MALRD1: variants seen among roughly 807,000 people sequenced by gnomAD.
The protein encoded by MALRD1 is MAM and LDL receptor class A domain containing 1.
Under a neutral mutation model 242.1 loss-of-function variants are expected in MALRD1, and 247 were observed. The ratio of observed to expected loss-of-function variants is 1.02; its 90% CI spans 0.92 to 1.13. The LOEUF is 1.13. Ranked by LOEUF, MALRD1 falls within the 50% of genes most tolerant of loss-of-function variation. The probability of loss-of-function intolerance (pLI) is 0.00; values close to 1 mark genes in which losing one functional copy is unlikely to be tolerated. For missense variants in MALRD1, 2,989 were observed against 2,533.1 expected (o/e 1.18, Z -3.86); for synonymous variants, 995 against 866.6 (o/e 1.15, Z -2.60).
chr10:19,566,188 G>A, intron 32 of MALRD1, among the ~76,000 whole-genome samples: 1 of 151,898 alleles, frequency 6.6e-6, no homozygotes, highest in East Asian at 1.9e-4. Flanking sequence ...GAATGCAGTG[G>A]CATGATCTCC....
intron 31 of MALRD1, among the ~76,000 whole-genome samples, chr10:19,529,002 C>G (rs1564415568): frequency 3.3e-5 from 5 of 152,090 alleles, no homozygotes; most frequent in Admixed American, 2.6e-4. Flanking sequence ...TCAAGGTGGA[C>G]AAGTTTGAGA....
At chr10:19,231,317 G>T (rs1290167122) in intron 18 of MALRD1, among the ~76,000 whole-genome samples, 5 of 152,080 alleles carry the variant, frequency 3.3e-5, no homozygotes, top group Admixed American at 2.0e-4. Flanking sequence ...ACAGTTGTTG[G>T]TTCCTAGGAT....
intron 28 of MALRD1, among the ~76,000 whole-genome samples, chr10:19,393,490 G>A (rs1297656729): frequency 1.5e-5 from 2 of 134,584 alleles, no homozygotes; most frequent in Non-Finnish European, 3.1e-5. Context: ...CTGTCACCCA[G>A]GCTGGAGTGC....
intron 36 of MALRD1, among the ~76,000 whole-genome samples, chr10:19,635,809 A>G (rs1365926479): frequency 6.6e-6 from 1 of 152,230 alleles, no homozygotes; most frequent in Non-Finnish European, 1.5e-5. Flanking sequence ...ATACACTGAA[A>G]TAAACTAAAA....
intron 19 of MALRD1, among the ~76,000 whole-genome samples, chr10:19,271,185 C>A (rs1317447922): frequency 6.6e-6 from 1 of 151,946 alleles, no homozygotes; most frequent in Non-Finnish European, 1.5e-5. Context: ...AGAATCAACC[C>A]CAAAATCATT....
chr10:19,127,219 A>G (rs983691311), intron 7 of MALRD1, among the ~76,000 whole-genome samples: 2 of 152,188 alleles, frequency 1.3e-5, no homozygotes, highest in Non-Finnish European at 1.5e-5. Flanking sequence ...GACTATTTTT[A>G]AAAAGATTAA....
At chr10:19,195,136 C>T (rs927084219) in intron 14 of MALRD1, among the ~76,000 whole-genome samples, 84 of 152,218 alleles carry the variant, frequency 5.5e-4, no homozygotes, top group East Asian at 1.2e-3. Flanking sequence ...AGAAAAGCAG[C>T]GTACATAGTG....
chr10:19,112,968 A>G (rs1213805834), intron 5 of MALRD1, among the ~76,000 whole-genome samples: 1 of 152,010 alleles, frequency 6.6e-6, no homozygotes, highest in Non-Finnish European at 1.5e-5. Flanking sequence ...TCACCTTTAT[A>G]TCAATTTGGC....
chr10:19,136,623 A>T lies in MALRD1; in HGVS notation c.1253A>T (p.Asp418Val). Residue 418 changes from aspartate to valine, a missense_variant, in exon 10 of 40, where the codon GAT (aspartate) becomes GTT (valine). Physicochemically the swap from Asp to Val is radical, Grantham distance 152. Coordinates refer to ENST00000454679, the MANE Select transcript of MALRD1 (RefSeq NM_001142308.3). ...AGCCAGAGAAGTTTTATTGCCCTTG[A>T]TCACCTCTGGGTCTATGCCTGTGGA... Reference protein sequence around the residue: ...LLSQRSFIALDHLWVYACGQT... With the variant: ...LLSQRSFIALVHLWVYACGQT... 8.1e-7 allele frequency: 1 copy of T among 1,231,614 alleles called. No individual in the cohort carries two copies. The highest frequency in any genetic ancestry group is 1.0e-6 in the Non-Finnish European group (1 of 987,968). 76.3% of individuals were successfully genotyped at this position (1,231,614 alleles called of 1,614,324 possible).
chr10:19,293,520 T>A (rs912191947), intron 21 of MALRD1, among the ~76,000 whole-genome samples: 1 of 152,242 alleles, frequency 6.6e-6, no homozygotes, highest in Non-Finnish European at 1.5e-5. Context: ...TAAATCACTT[T>A]AATTTTGATT....
intron 18 of MALRD1, among the ~76,000 whole-genome samples, chr10:19,237,807 TTA>T (rs1337186214): frequency 3.5e-4 from 43 of 121,880 alleles, no homozygotes; most frequent in African/African-American, 1.1e-3. Flanking sequence ...ATAATTATAA[TTA>T]TATAGAATTT....
intron 18 of MALRD1, among the ~76,000 whole-genome samples, chr10:19,229,325 C>T (rs138724047): frequency 1.5e-4 from 23 of 152,026 alleles, no homozygotes; most frequent in African/African-American, 5.5e-4. Context: ...GATATTTACA[C>T]CAAAAGAAAT....
At chr10:19,705,909 T>C (rs1005573829) in intron 38 of MALRD1, among the ~76,000 whole-genome samples, 2 of 151,880 alleles carry the variant, frequency 1.3e-5, no homozygotes, top group African/African-American at 4.8e-5. Flanking sequence ...CCCTTACCCT[T>C]TTTCCAGAGA....
chr10:19,332,260 C>T lies in MALRD1; in HGVS notation c.3901+678C>T, dbSNP rs193169417. Among the ~76,000 whole-genome samples the T allele has an allele frequency of 1.4e-3, 218 of 150,532 alleles. 2 individuals carry two copies. Among genetic ancestry groups the T allele is most frequent in the African/African-American group, 5.2e-3 (214 of 40,840 alleles). ...ACTGGTGAGCCTGCAGCCTCTGATG[C>T]ATTTCAGAGGATTGTCATTTCTCTG... On this transcript the variant is annotated intron_variant, in intron 24 of 39. Transcript: ENST00000454679.
chr10:19,098,130 C>G (rs544552883), intron 4 of MALRD1, among the ~76,000 whole-genome samples: 19 of 152,280 alleles, frequency 1.2e-4, no homozygotes, highest in African/African-American at 4.3e-4. Context: ...AACACTTTCA[C>G]TCCTTTTTGT....
intron 24 of MALRD1, among the ~76,000 whole-genome samples, chr10:19,331,792 A>T (rs374104070): frequency 6.6e-6 from 1 of 152,186 alleles, no homozygotes; most frequent in African/African-American, 2.4e-5. Flanking sequence ...GTGTGTGTGT[A>T]TGTGTGTATT....
At position 19,374,792 on chromosome 10, in the gene MALRD1, G is replaced by A. The variant is rs867103040; in HGVS notation, c.4442-12736G>A. ...CAGGTGCATGCCAGCTGTCCTTTAA[G>A]AAAAGTATCTGGAGACCATCACAGG... On this transcript the variant is annotated intron_variant, in intron 26 of 39. Coordinates refer to ENST00000454679, the MANE Select transcript of MALRD1 (RefSeq NM_001142308.3). Among the ~76,000 whole-genome samples, 11 of 152,260 alleles carry A rather than the reference G, an allele frequency of 7.2e-5. No individual in the cohort carries two copies. In the South Asian group the frequency reaches 1.2e-3, roughly 17 times the overall value.
At chr10:19,380,059 C>T (rs930487266) in intron 26 of MALRD1, among the ~76,000 whole-genome samples, 11 of 150,150 alleles carry the variant, frequency 7.3e-5, no homozygotes, top group Non-Finnish European at 1.3e-4. Context: ...ACTGCAGCCT[C>T]TGCCTCCCAG....
intron 29 of MALRD1, among the ~76,000 whole-genome samples, chr10:19,458,044 AT>A (rs1835751441): frequency 6.6e-6 from 1 of 152,038 alleles, no homozygotes; most frequent in African/African-American, 2.4e-5. Flanking sequence ...ATATATGACT[AT>A]TTTTATACTA....
Sources: gnomAD v4.1 joint callset for allele counts (sites outside exome capture counted in the v4.1 genomes callset) on GRCh38, gnomAD v4.1.1 for gene constraint, MANE v1.5 for transcripts, NCBI Gene and HGNC (gene_info 2026-07-23, HGNC 2026-07-21) for gene names.